The following SHISA9 variants were observed in gnomAD, a reference collection of about 807,000 sequenced individuals.
The protein encoded by SHISA9 is shisa family member 9.
SHISA9 carries 13 observed loss-of-function variants against 38.0 expected under a neutral mutation model. That is an observed-to-expected ratio of 0.34 (90% CI 0.22 to 0.54). The LOEUF (loss-of-function observed/expected upper bound fraction) is 0.54. Ranked by LOEUF, SHISA9 falls within the 20% of genes least tolerant of loss-of-function variation. The pLI is 0.91. For synonymous variants in SHISA9, 275 were observed against 242.0 expected (o/e 1.14, Z -1.27); for missense variants, 538 against 575.8 (o/e 0.93, Z 0.67).
At chr16:13,120,232 C>T (rs911436585) in intron 2 of SHISA9, among the ~76,000 whole-genome samples, 2 of 152,158 alleles carry the variant, frequency 1.3e-5, no homozygotes, top group South Asian at 2.1e-4. Flanking sequence ...CAGAGTTACT[C>T]GCCCAGGAAC....
Position 13,236,765 on chromosome 16 carries a change from C to T in SHISA9, c.*1356C>T, listed in dbSNP as rs1187180395. ...AACGAAGACCTCCCTACTCTCTACA[C>T]TATCAAAATTAGTCCTTCCATTTTC... On this transcript the variant is annotated 3_prime_UTR_variant, in exon 5 of 5. Transcript: ENST00000558583. The T allele has an allele frequency of 1.3e-5, 2 of 152,234 alleles. No individual in the cohort carries two copies. Among genetic ancestry groups the T allele is most frequent in the African/African-American group, 4.8e-5 (2 of 41,450 alleles). 9.4% of individuals were successfully genotyped at this position (152,234 alleles called of 1,614,324 possible).
intron 1 of SHISA9, among the ~76,000 whole-genome samples, chr16:12,912,492 T>TA (rs1485788035): frequency 6.6e-6 from 1 of 152,180 alleles, no homozygotes; most frequent in Non-Finnish European, 1.5e-5. Flanking sequence ...AAGTGATGGC[T>TA]TCTTGCTCGA....
At chr16:13,003,877 T>TAAGAAG (rs1177049862) in intron 2 of SHISA9, among the ~76,000 whole-genome samples, 91 of 145,014 alleles carry the variant, frequency 6.3e-4, no homozygotes, top group Middle Eastern at 3.6e-3. Context: ...ATAATAATAA[T>TAAGAAG]AATAATAATA....
chr16:12,914,254 C>T lies in SHISA9; in HGVS notation c.564-2434C>T, dbSNP rs572605164. On this transcript the variant is annotated intron_variant, in intron 1 of 4. Transcript: ENST00000558583. The stretch of plus-strand genomic sequence containing the variant: ...AGAGATGGGGTTTCACCATGTTGGT[C>T]GGGCTGGTCTCGAACTCCTGACCTC... Among the ~76,000 whole-genome samples the T allele has an allele frequency of 4.5e-4, 69 of 152,048 alleles. 1 individual carries two copies. The highest frequency in any genetic ancestry group is 6.8e-3 in the Middle Eastern group (2 of 294).
At chr16:13,081,331 G>T (rs1338122671) in intron 2 of SHISA9, among the ~76,000 whole-genome samples, 1 of 152,216 alleles carries the variant, frequency 6.6e-6, no homozygotes, top group East Asian at 1.9e-4. Context: ...AGCACGGGAA[G>T]ATGATGAGAT....
At chr16:13,244,344 T>G (rs1015757665), downstream of SHISA9, among the ~76,000 whole-genome samples, 5 of 152,188 alleles carry the variant, frequency 3.3e-5, no homozygotes, top group African/African-American at 1.2e-4. Context: ...GTGAATTTTC[T>G]TCCACCTCTG....
chr16:13,000,291 C>T (rs2072507557), intron 2 of SHISA9, among the ~76,000 whole-genome samples: 1 of 151,876 alleles, frequency 6.6e-6, no homozygotes. Flanking sequence ...GATTCCTATG[C>T]AAGTGATTTA....
the SHISA9 span, among the ~76,000 whole-genome samples, chr16:13,399,145 C>T: frequency 6.6e-6 from 1 of 151,884 alleles, no homozygotes; most frequent in Non-Finnish European, 1.5e-5. Context: ...GTCCCAGCTA[C>T]TTGGGACACT....
the SHISA9 span, chr16:13,258,483 C>G: frequency 1.3e-5 from 2 of 152,196 alleles, no homozygotes; most frequent in African/African-American, 4.8e-5. Flanking sequence ...GTCATTAATT[C>G]ATTTCACAAT....
chr16:13,028,146 G>T (rs907951291), intron 2 of SHISA9, among the ~76,000 whole-genome samples: 2 of 151,990 alleles, frequency 1.3e-5, no homozygotes, highest in African/African-American at 4.8e-5. Context: ...GGTCTTGACT[G>T]TATGTATGTG....
intron 2 of SHISA9, among the ~76,000 whole-genome samples, chr16:12,992,127 T>C (rs1193799154): frequency 6.6e-6 from 1 of 152,098 alleles, no homozygotes; most frequent in East Asian, 1.9e-4. Flanking sequence ...GGTTGTAGGA[T>C]AATGATAAAT....
intron 2 of SHISA9, among the ~76,000 whole-genome samples, chr16:12,942,080 G>T (rs1342106521): frequency 6.6e-6 from 1 of 152,174 alleles, no homozygotes; most frequent in Non-Finnish European, 1.5e-5. Context: ...GTGACAGCCT[G>T]ATGGTAATGT....
the SHISA9 span, among the ~76,000 whole-genome samples, chr16:13,491,491 A>AT: frequency 6.7e-6 from 1 of 150,046 alleles, no homozygotes; most frequent in East Asian, 2.0e-4. Flanking sequence ...AGAGGGCTGG[A>AT]TTTTTTGTTG....
intron 2 of SHISA9, among the ~76,000 whole-genome samples, chr16:13,074,662 CTTTTTCTTTTTTT>C (rs1353514416): frequency 1.3e-5 from 2 of 149,390 alleles, no homozygotes; most frequent in Admixed American, 1.3e-4. Flanking sequence ...TTCTCTTTTT[CTTTTTCTTTTTTT>C]TTTTTTGAGG....
chr16:13,368,816 A>G, the SHISA9 span, among the ~76,000 whole-genome samples: 1 of 152,174 alleles, frequency 6.6e-6, no homozygotes, highest in South Asian at 2.1e-4. Context: ...TTCAAAATAC[A>G]GAAGGAAATT....
chr16:13,102,468 C>T lies in SHISA9; in HGVS notation c.692-100926C>T, dbSNP rs1036600762. 3.3e-5 allele frequency among the ~76,000 whole-genome samples: 5 copies of T among 152,124 alleles called. No homozygotes were observed. The East Asian group carries it at 5.8e-4, about 18-fold the overall frequency. ...GGTCTCTTTCTCTAAGGGTGAACTC[C>T]GTGGCCACTGATGCTATTCTGGAAC... On this transcript the variant is annotated intron_variant, in intron 2 of 4. Transcript: ENST00000558583.
At chr16:13,028,916 T>C (rs555219091) in intron 2 of SHISA9, among the ~76,000 whole-genome samples, 2 of 152,204 alleles carry the variant, frequency 1.3e-5, no homozygotes, top group South Asian at 4.2e-4. Flanking sequence ...GGAGTGTGAG[T>C]GGGGGACGAG....
chr16:13,300,845 T>C, the SHISA9 span, among the ~76,000 whole-genome samples: 5 of 133,156 alleles, frequency 3.8e-5, no homozygotes, highest in Non-Finnish European at 6.3e-5. Flanking sequence ...CCTCCCCTCT[T>C]CTCTCCTCTC....
the SHISA9 span, among the ~76,000 whole-genome samples, chr16:13,297,658 G>T: frequency 2.0e-5 from 3 of 152,202 alleles, no homozygotes; most frequent in African/African-American, 7.2e-5. Flanking sequence ...GAATGGTCTG[G>T]TTGTTGGCGT....
Sources: gnomAD v4.1 joint callset for allele counts (sites outside exome capture counted in the v4.1 genomes callset) on GRCh38, gnomAD v4.1.1 for gene constraint, MANE v1.5 for transcripts, NCBI Gene and HGNC (gene_info 2026-07-23, HGNC 2026-07-21) for gene names.